TRMT2B: variants seen among roughly 807,000 people sequenced by gnomAD.
TRMT2B encodes tRNA (uracil-5-)-methyltransferase homolog B.
A neutral mutation model predicts 39.7 loss-of-function variants in TRMT2B; 34 were observed. The observed-to-expected ratio is 0.86, with a 90% confidence interval of 0.65 to 1.14. TRMT2B has a LOEUF of 1.14. TRMT2B is among the 50% of genes most tolerant of loss of function. The pLI, the probability that TRMT2B is intolerant of heterozygous loss-of-function variation, is 0.00. For missense variants in TRMT2B, 318 were observed against 377.2 expected (o/e 0.84, Z 1.30); for synonymous variants, 132 against 137.3 (o/e 0.96, Z 0.27).
chrX:101,034,477 A>T (rs753783648), intron 7 of TRMT2B, among the ~76,000 whole-genome samples: 4 of 110,563 alleles, frequency 3.6e-5, no homozygotes, highest in South Asian at 3.8e-4. Context: ...AAAAAAAAAA[A>T]TTTTACCCAT....
At chrX:101,046,702 G>A (rs5921714) in intron 2 of TRMT2B, among the ~76,000 whole-genome samples, 18,588 of 110,236 alleles carry the variant, frequency 0.17, 1,423 homozygotes, top group East Asian at 0.31. Flanking sequence ...CGAGGCAGGC[G>A]GATCACCTGA....
downstream of TRMT2B, among the ~76,000 whole-genome samples, chrX:101,008,975 C>A (rs2086152937): frequency 9.0e-6 from 1 of 111,664 alleles, no homozygotes; most frequent in African/African-American, 3.3e-5. Context: ...GGTGTCTTTC[C>A]CATGTAGTCC....
the TRMT2B span, among the ~76,000 whole-genome samples, chrX:100,975,608 A>G: frequency 9.3e-6 from 1 of 107,400 alleles, no homozygotes; most frequent in Admixed American, 9.9e-5. Context: ...TTCACCTGAG[A>G]CAACATGTTG....
chrX:101,035,480 G>T, intron 7 of TRMT2B, 133 bp downstream of exon 7: 1 of 545,942 alleles, frequency 1.8e-6, no homozygotes. Context: ...ATAGTTAGAA[G>T]GTATGCTTTC....
intron 7 of TRMT2B, 25 bp downstream of exon 7, chrX:101,035,588 T>C (rs1400318726): frequency 8.4e-7 from 1 of 1,196,619 alleles, no homozygotes; most frequent in Non-Finnish European, 1.1e-6. Flanking sequence ...CAGGCCATTC[T>C]CAACCAGCTC....
chrX:100,991,912 G>C, the TRMT2B span, among the ~76,000 whole-genome samples: 4 of 87,221 alleles, frequency 4.6e-5, no homozygotes, highest in Non-Finnish European at 4.5e-5. Context: ...GGACAGGAAA[G>C]TGCGGGGCGG....
chrX:101,024,079 T>G (rs1378725799), intron 7 of TRMT2B, among the ~76,000 whole-genome samples: 1 of 110,936 alleles, frequency 9.0e-6, no homozygotes, highest in Non-Finnish European at 1.9e-5. Flanking sequence ...AACTCCTGAC[T>G]TCAGGTGATC....
chrX:101,035,571 A>G, intron 7 of TRMT2B, 42 bp downstream of exon 7: 1 of 1,126,865 alleles, frequency 8.9e-7, no homozygotes, highest in Non-Finnish European at 1.2e-6. Context: ...TGTAGACTAC[A>G]ATGCTCCAGG....
the TRMT2B span, among the ~76,000 whole-genome samples, chrX:100,980,999 T>A: frequency 2.7e-5 from 3 of 111,660 alleles, no homozygotes; most frequent in Non-Finnish European, 5.6e-5. Context: ...CTCTTCCCTC[T>A]CCTCCTGGAG....
At chrX:100,993,510 A>C in the TRMT2B span, among the ~76,000 whole-genome samples, 2 of 112,116 alleles carry the variant, frequency 1.8e-5, no homozygotes, top group Non-Finnish European at 3.8e-5. Flanking sequence ...AGGCAGGCAT[A>C]CTTTCTCAGC....
Position 101,019,295 on chromosome X carries a change from C to T in TRMT2B, c.1277G>A (p.Arg426His), listed in dbSNP as rs1410329480. 8 of 1,209,843 alleles carry T rather than the reference C, an allele frequency of 6.6e-6. No homozygotes were observed. The Admixed American group carries it at 8.8e-5, about 13-fold the overall frequency. ...CTGTTCATCCTTACGCAGTCCGGCA[C>T]GGGCTGGGTTCACCACAGCAACAAT... ...QSIVAVVNPA[R>H]AGLHYKVIQA... Residue 426 changes from arginine to histidine, a missense_variant, in exon 12 of 14, where the codon CGT (arginine) becomes CAT (histidine). Physicochemically the swap from Arg to His is conservative, Grantham distance 29. Coordinates refer to ENST00000372936, the MANE Select transcript of TRMT2B (RefSeq NM_024917.6).
chrX:101,048,216 G>A (rs1334916164), intron 2 of TRMT2B, among the ~76,000 whole-genome samples: 1 of 109,656 alleles, frequency 9.1e-6, no homozygotes, highest in Non-Finnish European at 1.9e-5. Flanking sequence ...GACGACATAG[G>A]TGCTGCAATA....
intron 7 of TRMT2B, among the ~76,000 whole-genome samples, chrX:101,035,222 G>C (rs2087761756): frequency 9.0e-6 from 1 of 110,986 alleles, no homozygotes; most frequent in Non-Finnish European, 1.9e-5. Flanking sequence ...CGTATCAGAG[G>C]CCAAGCTCAT....
At chrX:101,047,082 T>A (rs2088724548) in intron 2 of TRMT2B, among the ~76,000 whole-genome samples, 1 of 109,899 alleles carries the variant, frequency 9.1e-6, no homozygotes, top group African/African-American at 3.3e-5. Context: ...AATTAAAATA[T>A]TAGCCAGGCA....
At chrX:101,002,766 C>G in the TRMT2B span, among the ~76,000 whole-genome samples, 1 of 85,535 alleles carries the variant, frequency 1.2e-5, no homozygotes, top group Non-Finnish European at 2.3e-5. Flanking sequence ...GAAACAAGAG[C>G]AAAACTCTGT....
rs144506568 is a variant in TRMT2B at position 101,038,013 on chromosome X, T to C, written c.342A>G (p.Leu114=). The C allele has an allele frequency of 3.7e-5, 45 of 1,206,799 alleles. 1 individual carries two copies. In the African/African-American group the frequency reaches 6.7e-4, roughly 18 times the overall value. The change falls in exon 5 of 14, where the codon CTA becomes CTG. Residue 114 remains leucine (L), a synonymous_variant. Transcript: ENST00000372936. Reference sequence around the variant, plus strand: ...CATTGAGCATTTGGATGTAAGACTCTAGTCTTTGTAAAATTTTCTTCTGAG... The same window carrying C: ...CATTGAGCATTTGGATGTAAGACTCCAGTCTTTGTAAAATTTTCTTCTGAG... ...FAAQKKILQR[L]ESYIQMLNGV...
downstream of TRMT2B, among the ~76,000 whole-genome samples, chrX:101,004,829 C>A (rs1035688388): frequency 4.5e-5 from 5 of 111,346 alleles, no homozygotes; most frequent in African/African-American, 1.3e-4. Context: ...TGAGTCTAAT[C>A]AAGCCACTAG....
At chrX:100,982,759 G>A in the TRMT2B span, among the ~76,000 whole-genome samples, 1 of 107,330 alleles carries the variant, frequency 9.3e-6, no homozygotes, top group Non-Finnish European at 1.9e-5. Context: ...AGGCTCAAGC[G>A]ATCCTCCCAC....
At chrX:100,979,632 G>A in the TRMT2B span, among the ~76,000 whole-genome samples, 1 of 111,532 alleles carries the variant, frequency 9.0e-6, no homozygotes, top group Non-Finnish European at 1.9e-5. Flanking sequence ...TTTTAGTGAG[G>A]TCATTTTTCC....
Sources: gnomAD v4.1 joint callset for allele counts (sites outside exome capture counted in the v4.1 genomes callset) on GRCh38, gnomAD v4.1.1 for gene constraint, MANE v1.5 for transcripts, NCBI Gene and HGNC (gene_info 2026-07-23, HGNC 2026-07-21) for gene names.